EXOC4: variants seen among roughly 807,000 people sequenced by gnomAD.
EXOC4 encodes the protein exocyst complex component 4.
Under a neutral mutation model 107.2 loss-of-function variants are expected in EXOC4, and 71 were observed. The observed-to-expected ratio is 0.66, with a 90% CI of 0.55 to 0.81. The LOEUF (loss-of-function observed/expected upper bound fraction) is 0.81. EXOC4 is among the 30% of genes least tolerant of loss of function. The pLI, the probability that EXOC4 is intolerant of heterozygous loss-of-function variation, is 0.00. For missense variants in EXOC4, 1,108 were observed against 1,189.6 expected (o/e 0.93, Z 1.01); for synonymous variants, 456 against 441.2 (o/e 1.03, Z -0.42).
intron 10 of EXOC4, among the ~76,000 whole-genome samples, chr7:133,676,993 T>A (rs939954190): frequency 1.4e-5 from 2 of 141,898 alleles, no homozygotes; most frequent in African/African-American, 5.2e-5. Flanking sequence ...AACAAAGTGA[T>A]GAATCACCAA....
chr7:133,309,456 G>A (rs1201126078), intron 4 of EXOC4, among the ~76,000 whole-genome samples: 2 of 152,120 alleles, frequency 1.3e-5, no homozygotes, highest in South Asian at 2.1e-4. Context: ...AAAAAAATTA[G>A]TATTCTTTTT....
At chr7:133,376,861 C>T (rs1300407515) in intron 7 of EXOC4, among the ~76,000 whole-genome samples, 1 of 152,166 alleles carries the variant, frequency 6.6e-6, no homozygotes, top group East Asian at 1.9e-4. Flanking sequence ...CAAACCAAGC[C>T]TCTATTTTAT....
intron 11 of EXOC4, among the ~76,000 whole-genome samples, chr7:133,868,702 TC>T (rs1162934679): frequency 1.3e-5 from 2 of 152,208 alleles, no homozygotes; most frequent in African/African-American, 4.8e-5. Flanking sequence ...GATTCCATTT[TC>T]TTGAGTCTAT....
intron 11 of EXOC4, among the ~76,000 whole-genome samples, chr7:133,873,297 C>T (rs1006422281): frequency 6.6e-5 from 10 of 152,174 alleles, no homozygotes; most frequent in South Asian, 2.1e-4. Context: ...ACAATCACAA[C>T]GGTCAAACGT....
chr7:133,339,990 A>G (rs907806389), intron 5 of EXOC4, among the ~76,000 whole-genome samples: 2 of 152,208 alleles, frequency 1.3e-5, no homozygotes, highest in East Asian at 1.9e-4. Context: ...ACTAATTTGG[A>G]TGCCCTTTAT....
chr7:133,435,025 A>G (rs549992215), intron 7 of EXOC4, among the ~76,000 whole-genome samples: 4 of 152,334 alleles, frequency 2.6e-5, no homozygotes, highest in South Asian at 2.1e-4. Context: ...CCCTTTTAGC[A>G]TTAAAGATTG....
At position 133,953,764 on chromosome 7, in the gene EXOC4, C is replaced by G. The variant is rs374820217; in HGVS notation, c.2206+15695C>G. On this transcript the variant is annotated intron_variant, in intron 14 of 17. Transcript: ENST00000253861. ...AAGCTTACTGTCTTGTTCTCTAGAT[C>G]AGCTGTTTACAATGTTGGCTATATG... Among the ~76,000 whole-genome samples the G allele has an allele frequency of 3.9e-4, 59 of 152,288 alleles. 1 individual carries two copies. In the East Asian group the frequency reaches 6.4e-3, roughly 16 times the overall value.
At chr7:133,767,769 C>T (rs1414033530) in intron 10 of EXOC4, among the ~76,000 whole-genome samples, 2 of 151,974 alleles carry the variant, frequency 1.3e-5, no homozygotes, top group Non-Finnish European at 2.9e-5. Flanking sequence ...TTAAAAGCTA[C>T]TGAACCATTA....
chr7:134,052,571 A>G (rs1258173771), intron 17 of EXOC4, among the ~76,000 whole-genome samples: 1 of 152,174 alleles, frequency 6.6e-6, no homozygotes, highest in African/African-American at 2.4e-5. Flanking sequence ...ACAATGGCCA[A>G]TACAGACTAC....
At chr7:134,050,513 C>G (rs529371183) in intron 17 of EXOC4, among the ~76,000 whole-genome samples, 1 of 152,008 alleles carries the variant, frequency 6.6e-6, no homozygotes, top group East Asian at 1.9e-4. Flanking sequence ...AGATATGATT[C>G]TACAGGATAA....
chr7:133,299,735 C>T lies in EXOC4; in HGVS notation c.472-6142C>T, dbSNP rs188955597. Among the ~76,000 whole-genome samples the T allele has an allele frequency of 2.9e-3, 443 of 152,234 alleles. 3 individuals are homozygous for T. Among genetic ancestry groups the T allele is most frequent in the African/African-American group, 9.9e-3 (411 of 41,534 alleles). ...GCACTTTATCTTGCAGGCCCCCCTC[C>T]CTTCATTCACTTATCAATAACTTCA... On this transcript the variant is annotated intron_variant, in intron 3 of 17. Coordinates refer to ENST00000253861, the MANE Select transcript of EXOC4 (RefSeq NM_021807.4).
At chr7:133,289,293 A>T (rs967317226) in intron 3 of EXOC4, among the ~76,000 whole-genome samples, 177 bp downstream of exon 3, 3 of 152,262 alleles carry the variant, frequency 2.0e-5, no homozygotes, top group Non-Finnish European at 4.4e-5. Flanking sequence ...AATGGTAGGT[A>T]ATTATTATTT....
intron 7 of EXOC4, among the ~76,000 whole-genome samples, chr7:133,469,674 G>A: frequency 6.6e-6 from 1 of 152,164 alleles, no homozygotes. Flanking sequence ...AAGACATACT[G>A]CAAACTCATA....
At chr7:133,598,820 A>G (rs1326525291) in intron 9 of EXOC4, among the ~76,000 whole-genome samples, 1 of 151,874 alleles carries the variant, frequency 6.6e-6, no homozygotes, top group African/African-American at 2.4e-5. Flanking sequence ...TGTCTCTACT[A>G]AAAAATACAA....
chr7:133,473,726 A>T (rs2150846141), intron 7 of EXOC4, among the ~76,000 whole-genome samples: 1 of 151,128 alleles, frequency 6.6e-6, no homozygotes, highest in East Asian at 1.9e-4. Context: ...TTTAAAACGG[A>T]GCCTCACTCT....
intron 7 of EXOC4, among the ~76,000 whole-genome samples, chr7:133,444,879 T>G (rs1798183209): frequency 6.6e-6 from 1 of 152,178 alleles, no homozygotes; most frequent in South Asian, 2.1e-4. Flanking sequence ...GATTGTATTT[T>G]AAAGTCACAG....
intron 17 of EXOC4, among the ~76,000 whole-genome samples, chr7:134,028,292 A>C (rs1795191378): frequency 6.6e-6 from 1 of 152,240 alleles, no homozygotes. Context: ...GTAAATGCAG[A>C]AAGATTATTA....
At chr7:133,260,663 T>G (rs1795128120) in intron 1 of EXOC4, among the ~76,000 whole-genome samples, 1 of 152,224 alleles carries the variant, frequency 6.6e-6, no homozygotes, top group Non-Finnish European at 1.5e-5. Flanking sequence ...GCTAGTCAGT[T>G]TCTGCAATAA....
At chr7:134,090,414 T>C in the EXOC4 span, among the ~76,000 whole-genome samples, 1 of 152,204 alleles carries the variant, frequency 6.6e-6, no homozygotes, top group South Asian at 2.1e-4. Flanking sequence ...AAGGTACCCC[T>C]CTTTATGACA....
Sources: allele counts gnomAD v4.1 joint callset (sites outside exome capture counted in the v4.1 genomes callset), GRCh38; gene constraint gnomAD v4.1.1; transcripts MANE v1.5; gene names NCBI Gene and HGNC (gene_info 2026-07-23, HGNC 2026-07-21).